The following AUTS2 variants were observed in gnomAD, a reference collection of about 807,000 sequenced individuals.
AUTS2 encodes the protein autism susceptibility gene 2 protein.
In AUTS2, 17 loss-of-function variants were observed where a neutral mutation model predicts 112.4. The observed-to-expected ratio is 0.15, with a 90% CI of 0.10 to 0.23. The LOEUF (loss-of-function observed/expected upper bound fraction) is 0.23. Ranked by LOEUF, AUTS2 falls within the 10% of genes least tolerant of loss-of-function variation. The pLI is 1.00. For missense variants in AUTS2, 1,510 were observed against 1,701.6 expected (o/e 0.89, Z 1.98); for synonymous variants, 751 against 702.7 (o/e 1.07, Z -1.09).
intron 2 of AUTS2, among the ~76,000 whole-genome samples, chr7:70,051,579 CGTG>C (rs1416820655): frequency 3.3e-5 from 5 of 151,810 alleles, no homozygotes; most frequent in Non-Finnish European, 7.4e-5. Flanking sequence ...ATTACCCAGG[CGTG>C]GTGGTGGGCA....
At position 69,627,514 on chromosome 7, in the gene AUTS2, C is replaced by CA. The variant is rs532262011; in HGVS notation, c.309+27561dup. Among the ~76,000 whole-genome samples the CA allele has an allele frequency of 3.3e-3, 498 of 150,208 alleles. 2 individuals carry two copies. Among genetic ancestry groups the CA allele is most frequent in the African/African-American group, 6.7e-3 (274 of 40,900 alleles). On this transcript the variant is annotated intron_variant, in intron 1 of 18. Coordinates refer to ENST00000342771, the MANE Select transcript of AUTS2 (RefSeq NM_015570.4). ...CTCAAAAAAACCCCAAAAAAACAAA[C>CA]AAAAAAAAACAATAAAAAAACTCAG...
intron 11 of AUTS2, among the ~76,000 whole-genome samples, 184 bp downstream of exon 11, chr7:70,771,828 G>A (rs780400760): frequency 1.3e-5 from 2 of 152,120 alleles, no homozygotes; most frequent in African/African-American, 4.8e-5. Flanking sequence ...TTAAATGGCC[G>A]TGAAAATTTA....
At chr7:70,239,706 A>G (rs1465464639) in intron 4 of AUTS2, among the ~76,000 whole-genome samples, 1 of 152,128 alleles carries the variant, frequency 6.6e-6, no homozygotes, top group Non-Finnish European at 1.5e-5. Context: ...AAGTGTTGGG[A>G]TTACAGGCGT....
At chr7:70,435,580 C>T (rs1795857604) in intron 4 of AUTS2, among the ~76,000 whole-genome samples, 172 bp from the exon 5 acceptor site, 1 of 152,194 alleles carries the variant, frequency 6.6e-6, no homozygotes, top group South Asian at 2.1e-4. Flanking sequence ...GTTTCAGATG[C>T]TGTTTACTAG....
At chr7:70,278,283 G>GATT (rs1348144572) in intron 4 of AUTS2, among the ~76,000 whole-genome samples, 1 of 152,114 alleles carries the variant, frequency 6.6e-6, no homozygotes, top group East Asian at 1.9e-4. Flanking sequence ...TTTTTTAAAT[G>GATT]AGGATTCATT....
chr7:70,785,573 G>A (rs1160793531), intron 16 of AUTS2: 7 of 450,020 alleles, frequency 1.6e-5, no homozygotes, highest in East Asian at 6.7e-5. Context: ...TCATAGGCAC[G>A]CCCTCAGAGT....
intron 5 of AUTS2, among the ~76,000 whole-genome samples, chr7:70,647,189 C>G (rs1806216946): frequency 6.6e-6 from 1 of 152,314 alleles, no homozygotes; most frequent in South Asian, 2.1e-4. Context: ...AGCCCAAACT[C>G]AAATCTGTGC....
Position 70,363,473 on chromosome 7 carries a change from A to G in AUTS2, c.661-72279A>G, listed in dbSNP as rs556966131. On this transcript the variant is annotated intron_variant, in intron 4 of 18. Transcript: ENST00000342771. ...GTATAATATAAAAAAAAGAAAAAAAAAAAAAAAAAAATCTGAAGCTATTGA... is the reference window on the plus strand; with the variant it reads ...GTATAATATAAAAAAAAGAAAAAAAGAAAAAAAAAAATCTGAAGCTATTGA... Among the ~76,000 whole-genome samples, 4 of 151,716 alleles carry G rather than the reference A, an allele frequency of 2.6e-5. No individual in the cohort carries two copies. The South Asian group carries it at 6.2e-4, about 24-fold the overall frequency.
chr7:70,103,243 T>C (rs528762821), intron 2 of AUTS2, among the ~76,000 whole-genome samples: 1 of 152,284 alleles, frequency 6.6e-6, no homozygotes, highest in African/African-American at 2.4e-5. Context: ...TAATGCACAC[T>C]CCAGAATAAA....
chr7:70,561,089 A>G (rs1466196293), intron 5 of AUTS2, among the ~76,000 whole-genome samples: 1 of 152,228 alleles, frequency 6.6e-6, no homozygotes, highest in African/African-American at 2.4e-5. Context: ...GAAGTTCCAA[A>G]GCAGGGCTGA....
intron 5 of AUTS2, among the ~76,000 whole-genome samples, chr7:70,467,267 T>A (rs1031131316): frequency 5.3e-5 from 8 of 152,240 alleles, no homozygotes; most frequent in African/African-American, 1.4e-4. Context: ...TGGGATCTCA[T>A]CCAAGGCCTC....
chr7:70,375,571 C>T (rs1449087444), intron 4 of AUTS2, among the ~76,000 whole-genome samples: 1 of 152,180 alleles, frequency 6.6e-6, no homozygotes, highest in African/African-American at 2.4e-5. Flanking sequence ...ATATGTAATC[C>T]ACTTACAGTC....
intron 3 of AUTS2, among the ~76,000 whole-genome samples, chr7:70,133,796 G>A (rs1478111309): frequency 6.6e-6 from 1 of 152,078 alleles, no homozygotes; most frequent in Non-Finnish European, 1.5e-5. Flanking sequence ...TTTTGGGGGG[G>A]CTTCTTTTCC....
intron 4 of AUTS2, among the ~76,000 whole-genome samples, chr7:70,287,515 T>C (rs1400777150): frequency 1.3e-5 from 2 of 152,178 alleles, no homozygotes; most frequent in Non-Finnish European, 2.9e-5. Flanking sequence ...ATAAAGATTA[T>C]TCAACTAAAC....
At chr7:69,826,263 C>G (rs530963014) in intron 1 of AUTS2, among the ~76,000 whole-genome samples, 2 of 152,280 alleles carry the variant, frequency 1.3e-5, no homozygotes, top group African/African-American at 4.8e-5. Flanking sequence ...GTTTTAATCT[C>G]TCACACGGCT....
intron 2 of AUTS2, among the ~76,000 whole-genome samples, chr7:69,906,546 C>T (rs576799080): frequency 5.9e-5 from 9 of 152,284 alleles, no homozygotes; most frequent in African/African-American, 1.4e-4. Flanking sequence ...TGCAGTCTTT[C>T]GGTGACATCT....
At chr7:70,065,034 A>G (rs965378004) in intron 2 of AUTS2, among the ~76,000 whole-genome samples, 2 of 152,184 alleles carry the variant, frequency 1.3e-5, no homozygotes, top group African/African-American at 2.4e-5. Context: ...GATTGAACAA[A>G]CAAAGGAGCA....
intron 1 of AUTS2, among the ~76,000 whole-genome samples, chr7:69,870,212 C>G (rs1793419521): frequency 6.6e-6 from 1 of 151,746 alleles, no homozygotes; most frequent in South Asian, 2.1e-4. Flanking sequence ...GTTTTACTTT[C>G]TTTCCTCATA....
chr7:70,311,762 G>C (rs1789764418), intron 4 of AUTS2, among the ~76,000 whole-genome samples: 1 of 152,056 alleles, frequency 6.6e-6, no homozygotes, highest in Non-Finnish European at 1.5e-5. Flanking sequence ...TGTTGCCCAG[G>C]CTGGAGTGCA....
Sources: gnomAD v4.1 joint callset for allele counts (sites outside exome capture counted in the v4.1 genomes callset) on GRCh38, gnomAD v4.1.1 for gene constraint, MANE v1.5 for transcripts, NCBI Gene and HGNC (gene_info 2026-07-23, HGNC 2026-07-21) for gene names.